The following USP46 variants were observed in gnomAD, a reference collection of about 807,000 sequenced individuals.
USP46 encodes ubiquitin carboxyl-terminal hydrolase 46.
In USP46, 12 loss-of-function variants were observed where a neutral mutation model predicts 44.4. The observed-to-expected ratio is 0.27, with a 90% confidence interval of 0.17 to 0.44. The LOEUF is 0.44. USP46 is among the 20% of genes least tolerant of loss of function. The pLI, the probability that USP46 is intolerant of heterozygous loss-of-function variation, is 1.00. For synonymous variants in USP46, 155 were observed against 161.5 expected, an observed-to-expected ratio of 0.96 and a Z score of 0.31; for missense variants, 248 against 444.8, an observed-to-expected ratio of 0.56 and a Z score of 3.98.
At position 52,616,386 on chromosome 4, in the gene USP46, T is replaced by A. The variant is rs147324155; in HGVS notation, c.562-5769A>T. On this transcript the variant is annotated intron_variant, in intron 4 of 8. Coordinates refer to ENST00000441222, the MANE Select transcript of USP46 (RefSeq NM_022832.4). ...TCCTTCCTTCCTTCCCTTCTTTCCT[T>A]CTTTGAGACGGAGTCTTGCTTTGTC... Among the ~76,000 whole-genome samples the A allele has an allele frequency of 5.0e-3, 755 of 152,156 alleles. 3 individuals carry two copies. The highest frequency in any genetic ancestry group is 9.8e-3 in the South Asian group (47 of 4,810).
intron 2 of USP46, 32 bp downstream of exon 2, chr4:52,631,032 T>C (rs779760063): frequency 6.5e-7 from 1 of 1,533,934 alleles, no homozygotes; most frequent in South Asian, 1.2e-5. Context: ...CCCTAAAACA[T>C]TTGATGAAAA....
intron 4 of USP46, among the ~76,000 whole-genome samples, chr4:52,610,899 C>T (rs1054157445): frequency 6.6e-6 from 1 of 152,120 alleles, no homozygotes; most frequent in African/African-American, 2.4e-5. Flanking sequence ...TTTTTCCCAT[C>T]GTTTCAAAGT....
chr4:52,657,895 T>C (rs371027751), intron 1 of USP46, among the ~76,000 whole-genome samples: 25 of 152,318 alleles, frequency 1.6e-4, no homozygotes, highest in African/African-American at 4.3e-4. Flanking sequence ...GGCTTCTTAA[T>C]GCTCCTTTGC....
intron 4 of USP46, among the ~76,000 whole-genome samples, chr4:52,625,471 C>T (rs1717545204): frequency 6.6e-6 from 1 of 152,096 alleles, no homozygotes; most frequent in Non-Finnish European, 1.5e-5. Context: ...GAGAACATGT[C>T]TTCAAATTCA....
At chr4:52,610,426 AG>A in intron 5 of USP46, 114 bp downstream of exon 5, 1 of 857,484 alleles carries the variant, frequency 1.2e-6, no homozygotes, top group Non-Finnish European at 1.8e-6. Flanking sequence ...AGAAAATAAT[AG>A]GATCATATTG....
chr4:52,626,299 G>T (rs1717581889), intron 3 of USP46, 52 bp from the exon 4 acceptor site: 1 of 1,448,896 alleles, frequency 6.9e-7, no homozygotes, highest in Non-Finnish European at 9.5e-7. Flanking sequence ...AAAGCAAATG[G>T]ATGTAATTAG....
intron 1 of USP46, among the ~76,000 whole-genome samples, chr4:52,650,769 T>C (rs1356171010): frequency 1.3e-5 from 2 of 152,192 alleles, no homozygotes; most frequent in African/African-American, 2.4e-5. Context: ...TCTGAATATA[T>C]AAACTAATAC....
intron 1 of USP46, among the ~76,000 whole-genome samples, chr4:52,653,664 T>C (rs1488782403): frequency 6.6e-6 from 1 of 152,114 alleles, no homozygotes; most frequent in East Asian, 1.9e-4. Flanking sequence ...AAAAGTTAAC[T>C]AGACTAAAAG....
At position 52,591,648 on chromosome 4, in the gene USP46, TG is replaced by T. The variant is rs1230357501; in HGVS notation, c.*5991del. 1 of 152,250 alleles carries T rather than the reference TG, an allele frequency of 6.6e-6. No individual in the cohort carries two copies. Among genetic ancestry groups the T allele is most frequent in the African/African-American group, 2.4e-5 (1 of 41,468 alleles). The allele number at this position is 152,250 out of a possible 1,614,324, so 9.4% of individuals were successfully genotyped here. A position where few individuals can be genotyped will look rare whatever the true frequency, so the allele number is the denominator to read the frequency against. ...TACAATCTAATGTCATTTCTGACTC[TG>T]GTATCTCATAACCAAAATGAAGCTA... On this transcript the variant is annotated 3_prime_UTR_variant, in exon 9 of 9. Coordinates refer to ENST00000441222, the MANE Select transcript of USP46 (RefSeq NM_022832.4).
Position 52,600,342 on chromosome 4 carries a change from G to A in USP46, c.920+1515C>T, listed in dbSNP as rs567850628. On this transcript the variant is annotated intron_variant, in intron 7 of 8. Transcript: ENST00000441222. ...TGGCATGGAAGGGAAGGCAGGCCCA[G>A]CTCCCTAACCTCAAAGCTTTCCAGT... 2.4e-3 allele frequency among the ~76,000 whole-genome samples: 365 copies of A among 152,228 alleles called. 4 individuals are homozygous for A. Among genetic ancestry groups the A allele is most frequent in the Middle Eastern group, 6.8e-3 (2 of 294 alleles).
At chr4:52,603,580 G>A (rs937884440) in intron 6 of USP46, among the ~76,000 whole-genome samples, 2 of 152,198 alleles carry the variant, frequency 1.3e-5, no homozygotes, top group Non-Finnish European at 2.9e-5. Flanking sequence ...CTGGCTTGTA[G>A]GAGCAGATTA....
intron 1 of USP46, among the ~76,000 whole-genome samples, chr4:52,632,980 G>GAAA (rs375021775): frequency 1.4e-5 from 1 of 71,434 alleles, no homozygotes; most frequent in African/African-American, 7.1e-5. Flanking sequence ...AAGAAAGAAA[G>GAAA]AAAGAAAAGA....
At chr4:52,632,962 A>G (rs1577683850) in intron 1 of USP46, among the ~76,000 whole-genome samples, 1 of 80,236 alleles carries the variant, frequency 1.2e-5, no homozygotes, top group Admixed American at 1.2e-4. Context: ...GAAAGAAAGA[A>G]AGAAAGAAAG....
chr4:52,625,869 T>C, intron 4 of USP46, 149 bp downstream of exon 4: 1 of 816,648 alleles, frequency 1.2e-6, no homozygotes, highest in Non-Finnish European at 1.9e-6. Flanking sequence ...TTCCAAAAGT[T>C]TGTACTTGAG....
intron 4 of USP46, among the ~76,000 whole-genome samples, chr4:52,615,551 A>G (rs1459888818): frequency 6.6e-6 from 1 of 152,196 alleles, no homozygotes; most frequent in African/African-American, 2.4e-5. Flanking sequence ...TCACCAACAA[A>G]AGGGAATAAA....
chr4:52,594,313 T>C lies in USP46; in HGVS notation c.*3327A>G, dbSNP rs1251937005. ...TTTTAAAAAATTAAGGTACAGATTA[T>C]TTTAAATAAAAACTACAATATTTTT... is the stretch of plus-strand genomic sequence containing the variant. On this transcript the variant is annotated 3_prime_UTR_variant, in exon 9 of 9. Coordinates refer to ENST00000441222, the MANE Select transcript of USP46 (RefSeq NM_022832.4). 1 of 152,194 alleles carries C rather than the reference T, an allele frequency of 6.6e-6. No individual in the cohort carries two copies. The highest frequency in any genetic ancestry group is 2.4e-5 in the African/African-American group (1 of 41,460). The allele number at this position is 152,194 out of a possible 1,614,324, so 9.4% of individuals were successfully genotyped here.
intron 1 of USP46, among the ~76,000 whole-genome samples, chr4:52,642,523 G>A (rs1055423135): frequency 2.0e-4 from 30 of 152,180 alleles, no homozygotes; most frequent in Admixed American, 9.8e-4. Context: ...TGAAGAAACC[G>A]AAGAGGTCAC....
At chr4:52,650,004 A>G (rs1718693980) in intron 1 of USP46, among the ~76,000 whole-genome samples, 1 of 152,212 alleles carries the variant, frequency 6.6e-6, no homozygotes, top group Non-Finnish European at 1.5e-5. Flanking sequence ...GCATGTCAAT[A>G]AAGCTCCAAT....
At chr4:52,632,918 GAGAA>G (rs58983073) in intron 1 of USP46, among the ~76,000 whole-genome samples, 723 of 35,160 alleles carry the variant, frequency 0.021, 18 homozygotes, top group Admixed American at 0.042. Context: ...AAGAAAGAAA[GAGAA>G]AGAAAGAAAG....
Sources: allele counts gnomAD v4.1 joint callset (sites outside exome capture counted in the v4.1 genomes callset), GRCh38; gene constraint gnomAD v4.1.1; transcripts MANE v1.5; gene names NCBI Gene and HGNC (gene_info 2026-07-23, HGNC 2026-07-21).